PRKG1: variants seen among roughly 807,000 people sequenced by gnomAD.
PRKG1 encodes the protein protein kinase cGMP-dependent 1, also known as cGMP-dependent protein kinase 1.
In PRKG1, 35 loss-of-function variants were observed where a neutral mutation model predicts 88.1. That is an observed-to-expected ratio of 0.40 (90% CI 0.30 to 0.53). PRKG1 has a LOEUF of 0.53. PRKG1 is among the 20% of genes least tolerant of loss of function. The pLI is 0.59. For missense variants in PRKG1, 540 were observed against 839.8 expected (o/e 0.64, Z 4.41); for synonymous variants, 303 against 292.5 (o/e 1.04, Z -0.37).
chr10:51,946,252 C>T (rs148801844), intron 5 of PRKG1, among the ~76,000 whole-genome samples: 17,006 of 152,024 alleles, frequency 0.11, 1,233 homozygotes, highest in East Asian at 0.35. Context: ...TTGATCGCAT[C>T]GGCTCCTGAG....
chr10:52,223,403 A>G (rs1840300932), intron 9 of PRKG1, among the ~76,000 whole-genome samples: 2 of 152,166 alleles, frequency 1.3e-5, no homozygotes, highest in South Asian at 2.1e-4. Context: ...CTTGGGTACT[A>G]GAACCCCATA....
chr10:51,920,793 T>A (rs1842447465), intron 5 of PRKG1, among the ~76,000 whole-genome samples: 1 of 151,928 alleles, frequency 6.6e-6, no homozygotes, highest in Admixed American at 6.6e-5. Context: ...TAAACATAAC[T>A]TTTTTTTCTC....
At chr10:51,313,698 G>A (rs181953914) in intron 2 of PRKG1, among the ~76,000 whole-genome samples, 81 of 152,170 alleles carry the variant, frequency 5.3e-4, no homozygotes, top group African/African-American at 1.9e-3. Flanking sequence ...GACCCAGAGC[G>A]GGTACCAAAA....
chr10:51,320,328 C>A, intron 2 of PRKG1: 1 of 168,490 alleles, frequency 5.9e-6, no homozygotes, highest in Admixed American at 6.2e-5. Context: ...TTAGGGATAA[C>A]AACCTGATCT....
intron 3 of PRKG1, among the ~76,000 whole-genome samples, chr10:51,516,297 G>A (rs1045025753): frequency 2.0e-5 from 3 of 152,064 alleles, no homozygotes; most frequent in Non-Finnish European, 4.4e-5. Context: ...TCTAGCTGCT[G>A]TCTCCGAAGT....
intron 3 of PRKG1, chr10:51,697,675 C>A: frequency 3.7e-6 from 6 of 1,609,864 alleles, no homozygotes; most frequent in Non-Finnish European, 4.2e-6. Flanking sequence ...TTTGAGACTA[C>A]AGCCAAATAT....
chr10:51,794,548 T>C (rs1838959993), intron 3 of PRKG1, among the ~76,000 whole-genome samples: 1 of 152,112 alleles, frequency 6.6e-6, no homozygotes, highest in African/African-American at 2.4e-5. Flanking sequence ...TCTACTGTAG[T>C]TATTAATATA....
rs1411066897 is a variant in PRKG1, at chr10:51,351,633, C to A, written c.479-116090C>A. Among the ~76,000 whole-genome samples the A allele has an allele frequency of 2.0e-5, 3 of 151,538 alleles. No individual in the cohort carries two copies. In the East Asian group the frequency reaches 5.8e-4, roughly 30 times the overall value. On this transcript the variant is annotated intron_variant, in intron 2 of 17. Coordinates refer to ENST00000373980, the MANE Select transcript of PRKG1 (RefSeq NM_006258.4). Reference sequence around the variant, plus strand: ...TTTTATCTTGTAATTTGTTTAAGTTCTTTGTAGATTCCCTTTTTCAGATGG... The same window carrying A: ...TTTTATCTTGTAATTTGTTTAAGTTATTTGTAGATTCCCTTTTTCAGATGG...
chr10:51,351,515 GT>G lies in PRKG1; in HGVS notation c.479-116199del, dbSNP rs200050595. Reference sequence around the variant, plus strand: ...CATTTCTCATCATCAGTGATGATGAGTTTTTTTTTCATATATTTGTTGGCCA... The same window carrying G: ...CATTTCTCATCATCAGTGATGATGAGTTTTTTTTCATATATTTGTTGGCCA... On this transcript the variant is annotated intron_variant, in intron 2 of 17. Transcript: ENST00000373980. Among the ~76,000 whole-genome samples, 17 of 151,346 alleles carry G rather than the reference GT, an allele frequency of 1.1e-4. 1 individual carries two copies. Among genetic ancestry groups the G allele is most frequent in the East Asian group, 7.8e-4 (4 of 5,144 alleles).
intron 5 of PRKG1, among the ~76,000 whole-genome samples, chr10:51,956,276 T>A (rs2133061922): frequency 6.6e-6 from 1 of 152,172 alleles, no homozygotes; most frequent in Middle Eastern, 3.4e-3. Context: ...TTATTCTTAG[T>A]ATGCAATTTT....
intron 1 of PRKG1, among the ~76,000 whole-genome samples, chr10:51,088,465 A>G (rs1844311544): frequency 6.7e-6 from 1 of 149,738 alleles, no homozygotes; most frequent in Non-Finnish European, 1.5e-5. Context: ...AGACTATAGT[A>G]TATGTGTCTT....
chr10:51,135,000 T>C (rs1399714776), intron 1 of PRKG1, among the ~76,000 whole-genome samples: 1 of 152,194 alleles, frequency 6.6e-6, no homozygotes, highest in Non-Finnish European at 1.5e-5. Flanking sequence ...ACTCAACAAA[T>C]ATTTTCTCAT....
chr10:51,848,856 T>TTG, intron 4 of PRKG1, among the ~76,000 whole-genome samples: 1 of 151,838 alleles, frequency 6.6e-6, no homozygotes, highest in Admixed American at 6.6e-5. Context: ...TTTCTATTTT[T>TTG]TTTTTTTTTT....
intron 9 of PRKG1, among the ~76,000 whole-genome samples, chr10:52,164,305 C>G (rs1037971936): frequency 2.0e-5 from 3 of 151,794 alleles, no homozygotes; most frequent in Non-Finnish European, 4.4e-5. Flanking sequence ...GAGCCAAGAC[C>G]GCGCCATTAC....
At chr10:51,869,825 T>C (rs571070655) in intron 4 of PRKG1, among the ~76,000 whole-genome samples, 3 of 152,288 alleles carry the variant, frequency 2.0e-5, no homozygotes, top group Admixed American at 6.5e-5. Flanking sequence ...ATTTACAGAC[T>C]GTTAACTAGA....
At chr10:52,220,808 A>G (rs1840225173) in intron 9 of PRKG1, among the ~76,000 whole-genome samples, 1 of 152,088 alleles carries the variant, frequency 6.6e-6, no homozygotes, top group Non-Finnish European at 1.5e-5. Flanking sequence ...TTCTTTATCC[A>G]GTATACCGTT....
intron 8 of PRKG1, among the ~76,000 whole-genome samples, chr10:52,155,927 G>A (rs1463950692): frequency 6.6e-6 from 1 of 151,886 alleles, no homozygotes; most frequent in Non-Finnish European, 1.5e-5. Context: ...GTAAGTAAAA[G>A]GAGATAATTC....
chr10:51,892,458 G>T (rs1937670), intron 4 of PRKG1, among the ~76,000 whole-genome samples: 35,319 of 152,058 alleles, frequency 0.23, 4,317 homozygotes, highest in Admixed American at 0.32. Context: ...AGGCAGCAAG[G>T]TTTCAGAAGC....
intron 3 of PRKG1, among the ~76,000 whole-genome samples, chr10:51,549,115 C>CTTTTTTTTTTTTTTTTTTTTTTTTTTT (rs1842514509): frequency 3.8e-5 from 3 of 79,308 alleles, no homozygotes; most frequent in African/African-American, 9.4e-5. Context: ...TCTTTCTTTT[C>CTTTTTTTTTTTTTTTTTTTTTTTTTTT]TTTTCTTTTT....
Sources: allele counts gnomAD v4.1 joint callset (sites outside exome capture counted in the v4.1 genomes callset), GRCh38; gene constraint gnomAD v4.1.1; transcripts MANE v1.5; gene names NCBI Gene and HGNC (gene_info 2026-07-23, HGNC 2026-07-21).